MIGA1: variants seen among roughly 807,000 people sequenced by gnomAD.
The protein encoded by MIGA1 is family with sequence similarity 73, member A.
MIGA1 carries 58 observed loss-of-function variants against 82.0 expected under a neutral mutation model. The ratio of observed to expected loss-of-function variants is 0.71; its 90% CI spans 0.57 to 0.88. The LOEUF (loss-of-function observed/expected upper bound fraction) is 0.88. MIGA1 is among the 40% of genes least tolerant of loss of function. The pLI is 0.00. For synonymous variants in MIGA1, 249 were observed against 253.6 expected, an observed-to-expected ratio of 0.98 and a Z score of 0.17; for missense variants, 751 against 749.1, an observed-to-expected ratio of 1.00 and a Z score of -0.03.
intron 8 of MIGA1, among the ~76,000 whole-genome samples, chr1:77,856,405 A>G (rs1337064908): frequency 1.3e-5 from 2 of 151,914 alleles, no homozygotes; most frequent in East Asian, 3.9e-4. Flanking sequence ...ATGCTGAATT[A>G]GGGAGGGTTC....
intron 7 of MIGA1, among the ~76,000 whole-genome samples, chr1:77,837,601 G>C (rs563842743): frequency 6.6e-6 from 1 of 152,164 alleles, no homozygotes; most frequent in Non-Finnish European, 1.5e-5. Flanking sequence ...TTGGTATCTG[G>C]CAAGTACTGA....
At chr1:77,874,235 G>T (rs1235059006) in intron 15 of MIGA1, among the ~76,000 whole-genome samples, 4 of 152,024 alleles carry the variant, frequency 2.6e-5, no homozygotes, top group Admixed American at 2.0e-4. Context: ...TTTGCTTACA[G>T]TGAGTTTCAG....
intron 7 of MIGA1, among the ~76,000 whole-genome samples, chr1:77,840,025 G>A (rs967489237): frequency 7.9e-5 from 12 of 152,206 alleles, no homozygotes; most frequent in African/African-American, 2.9e-4. Flanking sequence ...GAACCACTGT[G>A]CCTGGCCAAG....
chr1:77,864,359 G>A (rs566230744), intron 13 of MIGA1, among the ~76,000 whole-genome samples: 14 of 150,620 alleles, frequency 9.3e-5, no homozygotes, highest in Admixed American at 1.3e-4. Flanking sequence ...GCAAAACTCC[G>A]TCTCATAAAC....
chr1:77,804,972 C>G (rs1163207859), intron 4 of MIGA1, among the ~76,000 whole-genome samples: 2 of 148,150 alleles, frequency 1.3e-5, no homozygotes, highest in African/African-American at 2.5e-5. Flanking sequence ...ATATTCTGTT[C>G]TGTACCTTGC....
At chr1:77,851,484 C>G (rs1382746633) in intron 8 of MIGA1, among the ~76,000 whole-genome samples, 1 of 152,028 alleles carries the variant, frequency 6.6e-6, no homozygotes, top group Non-Finnish European at 1.5e-5. Flanking sequence ...TTTCTAAAAC[C>G]TTTTAAAACA....
chr1:77,792,056 A>C (rs543274345), intron 2 of MIGA1, among the ~76,000 whole-genome samples: 1 of 152,290 alleles, frequency 6.6e-6, no homozygotes, highest in South Asian at 2.1e-4. Context: ...TGAGGACCAA[A>C]ACATGAGAAA....
Position 77,787,508 on chromosome 1 carries a change from C to T in MIGA1, c.195+4157C>T, listed in dbSNP as rs1682218618. Among the ~76,000 whole-genome samples, 10 of 151,838 alleles carry T rather than the reference C, an allele frequency of 6.6e-5. No homozygotes were observed. In the South Asian group the frequency reaches 2.1e-3, roughly 32 times the overall value. ...GTTCAAGCAATTCTCCCTGCCTTAG[C>T]CTCCTGAGTAGCTGAGATTACAGGC... On this transcript the variant is annotated intron_variant, in intron 2 of 15. Coordinates refer to ENST00000370791, the MANE Select transcript of MIGA1 (RefSeq NM_198549.4).
chr1:77,811,680 C>G, intron 5 of MIGA1: 1 of 1,611,932 alleles, frequency 6.2e-7, no homozygotes, highest in Non-Finnish European at 8.5e-7. Context: ...ATATCTGATA[C>G]TCGTCTATCG....
chr1:77,848,154 A>G (rs1684913698), intron 8 of MIGA1: 1 of 1,404,658 alleles, frequency 7.1e-7, no homozygotes, highest in African/African-American at 1.4e-5. Context: ...CCAGAAAGAA[A>G]GGGATTCTCA....
chr1:77,865,922 T>G (rs2101957439), intron 13 of MIGA1, among the ~76,000 whole-genome samples: 2 of 152,266 alleles, frequency 1.3e-5, no homozygotes, highest in Middle Eastern at 3.4e-3. Context: ...TTTGTTTGTT[T>G]GTTTGTTTTG....
At chr1:77,793,186 C>G (rs2101718208) in intron 2 of MIGA1, among the ~76,000 whole-genome samples, 1 of 152,194 alleles carries the variant, frequency 6.6e-6, no homozygotes, top group Admixed American at 6.5e-5. Context: ...TCATTGTAGC[C>G]TCAATCTTCT....
chr1:77,819,743 C>A (rs1360387432), intron 7 of MIGA1, among the ~76,000 whole-genome samples: 1 of 152,022 alleles, frequency 6.6e-6, no homozygotes, highest in Non-Finnish European at 1.5e-5. Context: ...GCCACCATAC[C>A]TGGCTAATTT....
chr1:77,827,012 G>T (rs1684055589), intron 7 of MIGA1, among the ~76,000 whole-genome samples: 1 of 146,954 alleles, frequency 6.8e-6, no homozygotes, highest in Admixed American at 6.8e-5. Flanking sequence ...TCACCATGTT[G>T]GCCAGGCTGG....
chr1:77,853,623 G>A (rs1485255618), intron 8 of MIGA1: 2 of 168,634 alleles, frequency 1.2e-5, no homozygotes, highest in African/African-American at 4.8e-5. Context: ...AGGCTGCAGT[G>A]GGCCATGATT....
At chr1:77,802,659 C>T (rs1000350394) in intron 3 of MIGA1, among the ~76,000 whole-genome samples, 5 of 151,734 alleles carry the variant, frequency 3.3e-5, no homozygotes, top group African/African-American at 1.2e-4. Flanking sequence ...GCACAGCTAG[C>T]TAGTCCCAGC....
rs1036812086 is a variant in MIGA1 at position 77,810,731 on chromosome 1, C to T, written c.638-3003C>T. 4.7e-6 allele frequency: 5 copies of T among 1,064,646 alleles called. No individual in the cohort carries two copies. The African/African-American group carries it at 8.0e-5, about 17-fold the overall frequency. The allele number at this position is 1,064,646 out of a possible 1,614,324, so 65.9% of individuals were successfully genotyped here. On this transcript the variant is annotated intron_variant, in intron 5 of 15. Transcript: ENST00000370791. Reference sequence around the variant, plus strand: ...TTCTGTGGTACAGCTTTGCATTGGACTCCGTCCGGCCTACTGGTCTGGGTA... The same window carrying T: ...TTCTGTGGTACAGCTTTGCATTGGATTCCGTCCGGCCTACTGGTCTGGGTA...
intron 1 of MIGA1, 130 bp from the exon 2 acceptor site, chr1:77,783,108 C>G: frequency 1.9e-6 from 1 of 518,488 alleles, no homozygotes; most frequent in East Asian, 3.1e-5. Context: ...AATTTTAGCT[C>G]AAGTGTAATG....
intron 9 of MIGA1, 102 bp downstream of exon 9, chr1:77,859,158 C>A: frequency 2.0e-6 from 2 of 987,414 alleles, no homozygotes; most frequent in Non-Finnish European, 3.1e-6. Context: ...GTTTTTAGGT[C>A]CAAGTAAAGA....
Sources: allele counts gnomAD v4.1 joint callset (sites outside exome capture counted in the v4.1 genomes callset), GRCh38; gene constraint gnomAD v4.1.1; transcripts MANE v1.5; gene names NCBI Gene and HGNC (gene_info 2026-07-23, HGNC 2026-07-21).